The following MGMT variants were observed in gnomAD, a reference collection of about 807,000 sequenced individuals.
MGMT encodes the protein methylated-DNA--protein-cysteine methyltransferase.
A neutral mutation model predicts 15.9 loss-of-function variants in MGMT; 14 were observed. The ratio of observed to expected loss-of-function variants is 0.88; its 90% CI spans 0.58 to 1.37. The LOEUF is 1.37. Among genes scored for constraint, MGMT ranks in the 40% most tolerant of loss-of-function variants. The pLI is 0.00. For synonymous variants in MGMT, 130 were observed against 118.2 expected (o/e 1.10, Z -0.65); for missense variants, 282 against 268.1 (o/e 1.05, Z -0.36).
intron 2 of MGMT, among the ~76,000 whole-genome samples, chr10:129,579,756 C>T (rs908772870): frequency 9.2e-5 from 14 of 152,184 alleles, no homozygotes; most frequent in African/African-American, 3.1e-4. Context: ...GGTCACACAT[C>T]GTTGAGGTTA....
intron 2 of MGMT, among the ~76,000 whole-genome samples, chr10:129,599,752 A>G (rs892583705): frequency 6.6e-6 from 1 of 152,184 alleles, no homozygotes; most frequent in Non-Finnish European, 1.5e-5. Flanking sequence ...GGGTGTGCAT[A>G]TCTTTCTCTT....
chr10:129,723,021 A>C (rs1848391030), intron 3 of MGMT, among the ~76,000 whole-genome samples: 1 of 151,596 alleles, frequency 6.6e-6, no homozygotes, highest in Non-Finnish European at 1.5e-5. Context: ...AAAAAAAAAA[A>C]AAAAAAAAAA....
chr10:129,496,308 T>C (rs932076374), intron 1 of MGMT, among the ~76,000 whole-genome samples: 2 of 152,150 alleles, frequency 1.3e-5, no homozygotes, highest in African/African-American at 4.8e-5. Context: ...CTGGGTGTTG[T>C]ATGCTATTTG....
intron 1 of MGMT, among the ~76,000 whole-genome samples, chr10:129,497,531 A>C (rs965222733): frequency 6.6e-6 from 1 of 152,216 alleles, no homozygotes; most frequent in African/African-American, 2.4e-5. Flanking sequence ...AATAGCACAA[A>C]GTTTCTGTAT....
rs372932319 is a variant in MGMT at position 129,682,401 on chromosome 10, G to A, written c.126-25494G>A. On this transcript the variant is annotated intron_variant, in intron 2 of 4. Transcript: ENST00000651593. ...GGAGTAAAGGAAGCTAATCCTAAAAGATAGGATTTTTTTTGTATGTAACAC... is the reference window on the plus strand; with the variant it reads ...GGAGTAAAGGAAGCTAATCCTAAAAAATAGGATTTTTTTTGTATGTAACAC... 2.2e-4 allele frequency among the ~76,000 whole-genome samples: 34 copies of A among 152,016 alleles called. 1 individual carries two copies. In the East Asian group the frequency reaches 6.6e-3, roughly 30 times the overall value.
At chr10:129,489,328 C>G (rs1419246090) in intron 1 of MGMT, among the ~76,000 whole-genome samples, 1 of 138,222 alleles carries the variant, frequency 7.2e-6, no homozygotes, top group Non-Finnish European at 1.5e-5. Context: ...CCATTGCACT[C>G]CAGCCTGGGT....
intron 2 of MGMT, among the ~76,000 whole-genome samples, chr10:129,542,400 T>A (rs1479215025): frequency 1.3e-5 from 2 of 152,166 alleles, no homozygotes; most frequent in Non-Finnish European, 2.9e-5. Flanking sequence ...ATTCGTTTTT[T>A]TCTGACAGAT....
At chr10:129,693,959 A>G (rs1456060510) in intron 2 of MGMT, 1 of 151,700 alleles carries the variant, frequency 6.6e-6, no homozygotes, top group Admixed American at 6.6e-5. Flanking sequence ...CACAGTTCCC[A>G]TGGGCAGGTG....
chr10:129,593,970 A>AG (rs1477981042), intron 2 of MGMT, among the ~76,000 whole-genome samples: 3 of 152,212 alleles, frequency 2.0e-5, no homozygotes, highest in Non-Finnish European at 2.9e-5. Flanking sequence ...TGCCCTGGGA[A>AG]GGGAAGCTTG....
chr10:129,718,364 A>AC (rs1311914573), intron 3 of MGMT, among the ~76,000 whole-genome samples: 1 of 152,124 alleles, frequency 6.6e-6, no homozygotes, highest in Non-Finnish European at 1.5e-5. Flanking sequence ...AGTTAGGAAA[A>AC]CCAAGGGGAC....
intron 2 of MGMT, among the ~76,000 whole-genome samples, chr10:129,651,444 G>A (rs977597675): frequency 6.6e-6 from 1 of 151,810 alleles, no homozygotes; most frequent in Non-Finnish European, 1.5e-5. Context: ...AATGTTCAAT[G>A]GCAAAGTGAA....
chr10:129,657,697 A>G (rs866015323), intron 2 of MGMT, among the ~76,000 whole-genome samples: 56 of 138,718 alleles, frequency 4.0e-4, no homozygotes, highest in African/African-American at 1.2e-3. Flanking sequence ...ACACACACAC[A>G]CACACACACG....
chr10:129,608,610 G>T (rs750472315), intron 2 of MGMT, among the ~76,000 whole-genome samples: 1 of 152,202 alleles, frequency 6.6e-6, no homozygotes, highest in East Asian at 1.9e-4. Flanking sequence ...ATCTCTCTGC[G>T]TATAATTATA....
chr10:129,531,295 T>C (rs1158969857), intron 1 of MGMT, among the ~76,000 whole-genome samples: 1 of 152,156 alleles, frequency 6.6e-6, no homozygotes, highest in Non-Finnish European at 1.5e-5. Flanking sequence ...GCTTGTGACC[T>C]GTCCAGGCCA....
intron 2 of MGMT, among the ~76,000 whole-genome samples, chr10:129,669,200 A>G (rs922585925): frequency 2.6e-5 from 4 of 151,036 alleles, no homozygotes; most frequent in African/African-American, 9.7e-5. Flanking sequence ...TTTTACTGCA[A>G]TTTTTTTTTG....
intron 1 of MGMT, among the ~76,000 whole-genome samples, chr10:129,506,554 T>G (rs1845627381): frequency 6.6e-6 from 1 of 152,130 alleles, no homozygotes; most frequent in South Asian, 2.1e-4. Flanking sequence ...AGGGGGCATT[T>G]ATGCTCATGC....
At chr10:129,688,035 T>C (rs2133125577) in intron 2 of MGMT, among the ~76,000 whole-genome samples, 1 of 152,348 alleles carries the variant, frequency 6.6e-6, no homozygotes, top group Middle Eastern at 3.4e-3. Context: ...ACTCATCATT[T>C]TTTATGGCTG....
chr10:129,492,650 C>T (rs1845480624), intron 1 of MGMT, among the ~76,000 whole-genome samples: 1 of 152,176 alleles, frequency 6.6e-6, no homozygotes, highest in Non-Finnish European at 1.5e-5. Flanking sequence ...GTGTGGACTG[C>T]CACGGTGCTC....
intron 2 of MGMT, among the ~76,000 whole-genome samples, chr10:129,543,147 C>T (rs1035969190): frequency 3.3e-5 from 5 of 152,190 alleles, no homozygotes; most frequent in Non-Finnish European, 2.9e-5. Context: ...CCCGGACACA[C>T]AGTGCTGCAC....
Sources: gnomAD v4.1 joint callset for allele counts (sites outside exome capture counted in the v4.1 genomes callset) on GRCh38, gnomAD v4.1.1 for gene constraint, MANE v1.5 for transcripts, NCBI Gene and HGNC (gene_info 2026-07-23, HGNC 2026-07-21) for gene names.